The following SETX variants were observed in gnomAD, a reference collection of about 807,000 sequenced individuals.
SETX encodes the protein helicase senataxin.
SETX carries 90 observed loss-of-function variants against 227.2 expected under a neutral mutation model. The observed-to-expected ratio is 0.40, with a 90% CI of 0.33 to 0.47. The LOEUF (loss-of-function observed/expected upper bound fraction) is 0.47. Ranked by LOEUF, SETX falls within the 20% of genes least tolerant of loss-of-function variation. The pLI, the probability that SETX is intolerant of heterozygous loss-of-function variation, is 0.91. For synonymous variants in SETX, 1,210 were observed against 1,113.2 expected (o/e 1.09, Z -1.73); for missense variants, 3,052 against 3,181.5 (o/e 0.96, Z 0.98).
intron 15 of SETX, among the ~76,000 whole-genome samples, chr9:132,294,809 T>C (rs1472372152): frequency 1.3e-5 from 2 of 152,220 alleles, no homozygotes; most frequent in East Asian, 3.8e-4. Flanking sequence ...AGCAACCAGA[T>C]GGAGGCTGGG....
At chr9:132,316,368 G>A (rs1168701296) in intron 10 of SETX, among the ~76,000 whole-genome samples, 1 of 152,136 alleles carries the variant, frequency 6.6e-6, no homozygotes, top group Non-Finnish European at 1.5e-5. Flanking sequence ...GCCAGTTTAG[G>A]AATGTTTTAA....
chr9:132,336,273 A>G, intron 6 of SETX, 23 bp downstream of exon 6: 1 of 1,567,978 alleles, frequency 6.4e-7, no homozygotes, highest in Non-Finnish European at 8.8e-7. Flanking sequence ...TACCAATTAT[A>G]TTAGTGTAGG....
intron 25 of SETX, among the ~76,000 whole-genome samples, chr9:132,267,967 A>AT (rs768011930): frequency 7.2e-5 from 11 of 152,242 alleles, no homozygotes; most frequent in Admixed American, 1.3e-4. Flanking sequence ...TCAAGGCATC[A>AT]CTAAAAGATG....
intron 18 of SETX, among the ~76,000 whole-genome samples, chr9:132,283,885 G>A (rs1446778955): frequency 1.3e-5 from 2 of 152,066 alleles, no homozygotes; most frequent in East Asian, 1.9e-4. Flanking sequence ...AAATGCCTGT[G>A]AACCTGACAA....
intron 7 of SETX, among the ~76,000 whole-genome samples, chr9:132,331,672 TAA>T (rs200362840): frequency 1.4e-5 from 2 of 140,896 alleles, no homozygotes; most frequent in Admixed American, 7.2e-5. Flanking sequence ...GATACGTCTG[TAA>T]AAAAAAAAAA....
At chr9:132,276,211 G>A (rs937522470) in intron 22 of SETX, among the ~76,000 whole-genome samples, 10 of 152,068 alleles carry the variant, frequency 6.6e-5, no homozygotes, top group African/African-American at 1.9e-4. Context: ...ATCAGCTAGC[G>A]ATCTCTTCCA....
Position 132,277,156 on chromosome 9 carries a change from T to TAAA in SETX, c.6843-7_6843-5dup, listed in dbSNP as rs34769225. ...ACATCGAATGGCTTCTGTCTGTCTG[T>TAAA]AAAAAAAAAAAAGCAGTCAACATTC... On this transcript the variant is annotated splice_region_variant and splice_polypyrimidine_tract_variant and intron_variant, in intron 21 of 25. Coordinates refer to ENST00000224140, the MANE Select transcript of SETX (RefSeq NM_015046.7). The TAAA allele has an allele frequency of 4.2e-5, 62 of 1,473,004 alleles. No homozygotes were observed. The highest frequency in any genetic ancestry group is 2.4e-4 in the African/African-American group (17 of 70,588). 91.2% of individuals were successfully genotyped at this position (1,473,004 alleles called of 1,614,324 possible).
At chr9:132,302,683 A>ACC (rs1845081429) in intron 11 of SETX, among the ~76,000 whole-genome samples, 1 of 76,646 alleles carries the variant, frequency 1.3e-5, no homozygotes, top group Admixed American at 1.1e-4. Flanking sequence ...AAAAAAAGCA[A>ACC]AAAAAAAAAA....
chr9:132,285,259 C>T (rs539963937), intron 18 of SETX, among the ~76,000 whole-genome samples: 52 of 152,038 alleles, frequency 3.4e-4, no homozygotes, highest in Non-Finnish European at 6.9e-4. Context: ...AATAGAGCAC[C>T]TTATAAGAAA....
chr9:132,272,431 G>A (rs774006622), intron 23 of SETX, among the ~76,000 whole-genome samples: 1 of 151,130 alleles, frequency 6.6e-6, no homozygotes, highest in Non-Finnish European at 1.5e-5. Flanking sequence ...TTATAGATGT[G>A]AGCCACCATG....
intron 12 of SETX, among the ~76,000 whole-genome samples, chr9:132,299,085 T>G (rs1421405332): frequency 3.3e-5 from 5 of 152,218 alleles, no homozygotes; most frequent in African/African-American, 9.6e-5. Flanking sequence ...ACGTGGGAAC[T>G]GGATTTGGGA....
intron 2 of SETX, among the ~76,000 whole-genome samples, chr9:132,350,381 G>A (rs982739426): frequency 6.6e-6 from 1 of 152,082 alleles, no homozygotes; most frequent in Non-Finnish European, 1.5e-5. Flanking sequence ...CCTAAGTGAA[G>A]ACACTGAGTA....
In SETX at chr9:132,349,326, C is replaced by T. The variant is rs759394055; in HGVS notation, c.103G>A (p.Glu35Lys). The T allele has an allele frequency of 1.5e-5, 25 of 1,613,962 alleles. No homozygotes were observed. Among genetic ancestry groups the T allele is most frequent in the Non-Finnish European group, 1.9e-5 (22 of 1,180,034 alleles). Residue 35 changes from glutamate to lysine, a missense_variant, in exon 3 of 26, where the codon GAA (glutamate) becomes AAA (lysine). Transcript: ENST00000224140. ...CACTCCAAGCAGTAGCAGAGGTCTT[C>T]GTCGGCTGTTTGAAATTCACCGGAC... Reference protein sequence around the residue: ...TPSGEFQTADEDLCYCLECVA... With the variant: ...TPSGEFQTADKDLCYCLECVA...
At chr9:132,315,972 G>GT (rs978142274) in intron 10 of SETX, among the ~76,000 whole-genome samples, 4 of 152,242 alleles carry the variant, frequency 2.6e-5, no homozygotes, top group African/African-American at 9.6e-5. Flanking sequence ...TAGGTGTTTT[G>GT]TTTTTTCAAC....
chr9:132,263,426 C>A lies in SETX; in HGVS notation c.*813G>T, dbSNP rs1404622713. ...TACCTCACCAGTCACACAAGGCTCACAATATGCTGGGAGCATTTGAATGAT... is the reference window on the plus strand; with the variant it reads ...TACCTCACCAGTCACACAAGGCTCAAAATATGCTGGGAGCATTTGAATGAT... On this transcript the variant is annotated 3_prime_UTR_variant, in exon 26 of 26. Coordinates refer to ENST00000224140, the MANE Select transcript of SETX (RefSeq NM_015046.7). 6.6e-6 allele frequency: 1 copy of A among 152,234 alleles called. No homozygotes were observed. The highest frequency in any genetic ancestry group is 2.4e-5 in the African/African-American group (1 of 41,456). 9.4% of individuals were successfully genotyped at this position (152,234 alleles called of 1,614,324 possible). A position where few individuals can be genotyped will look rare whatever the true frequency, so the allele number is the denominator to read the frequency against.
At chr9:132,348,221 T>C (rs1378930815) in intron 3 of SETX, among the ~76,000 whole-genome samples, 1 of 150,924 alleles carries the variant, frequency 6.6e-6, no homozygotes, top group East Asian at 1.9e-4. Flanking sequence ...TAGCCGGGTG[T>C]GGTGGCACGT....
chr9:132,315,299 T>C (rs1368451301), intron 10 of SETX, among the ~76,000 whole-genome samples: 4 of 152,136 alleles, frequency 2.6e-5, no homozygotes, highest in South Asian at 2.1e-4. Flanking sequence ...ACCAAGACTG[T>C]CCTTGACTTA....
chr9:132,338,342 C>T (rs932222410), intron 5 of SETX, among the ~76,000 whole-genome samples: 2 of 152,092 alleles, frequency 1.3e-5, no homozygotes, highest in Non-Finnish European at 2.9e-5. Flanking sequence ...CCACCCACCT[C>T]GGCCTCCCAT....
At chr9:132,355,555 C>T (rs757518624), upstream of SETX, among the ~76,000 whole-genome samples, 103 of 152,238 alleles carry the variant, frequency 6.8e-4, no homozygotes, top group Non-Finnish European at 1.2e-3. Context: ...CAGAGTAAAT[C>T]CCTCGCTGGT....
Sources: allele counts gnomAD v4.1 joint callset (sites outside exome capture counted in the v4.1 genomes callset), GRCh38; gene constraint gnomAD v4.1.1; transcripts MANE v1.5; gene names NCBI Gene and HGNC (gene_info 2026-07-23, HGNC 2026-07-21).